Variants in NLGN1 observed in about 807,000 individuals in gnomAD.
NLGN1 encodes the protein neuroligin 1, also known as neuroligin-1.
Under a neutral mutation model 65.5 loss-of-function variants are expected in NLGN1, and 12 were observed. The observed-to-expected ratio is 0.18, with a 90% CI of 0.12 to 0.30. The LOEUF (loss-of-function observed/expected upper bound fraction) is 0.30. Ranked by LOEUF, NLGN1 falls within the 10% of genes least tolerant of loss-of-function variation. NLGN1 has a pLI of 1.00. For missense variants in NLGN1, 750 were observed against 1,007.1 expected (o/e 0.74, Z 3.46); for synonymous variants, 350 against 359.5 (o/e 0.97, Z 0.30).
At chr3:173,682,723 G>A (rs1339980080) in intron 3 of NLGN1, among the ~76,000 whole-genome samples, 1 of 151,888 alleles carries the variant, frequency 6.6e-6, no homozygotes, top group African/African-American at 2.4e-5. Flanking sequence ...AGACCTTGGC[G>A]ATGACCTTGA....
At chr3:173,671,030 A>T (rs1290822563) in intron 3 of NLGN1, among the ~76,000 whole-genome samples, 1 of 152,168 alleles carries the variant, frequency 6.6e-6, no homozygotes, top group African/African-American at 2.4e-5. Context: ...GTTGGCTTTT[A>T]ATTACTCTAA....
intron 4 of NLGN1, among the ~76,000 whole-genome samples, chr3:174,209,619 C>CTTTTT (rs1184386254): frequency 1.4e-4 from 14 of 97,298 alleles, no homozygotes; most frequent in African/African-American, 6.5e-4. Context: ...ATCAACCTTT[C>CTTTTT]TTTCTTTTTT....
At chr3:173,879,311 G>A (rs1396437852) in intron 4 of NLGN1, among the ~76,000 whole-genome samples, 1 of 151,528 alleles carries the variant, frequency 6.6e-6, no homozygotes, top group Non-Finnish European at 1.5e-5. Context: ...TTTTCTCTCT[G>A]TTCTTCAGAC....
chr3:173,947,900 A>T (rs1394189754), intron 4 of NLGN1, among the ~76,000 whole-genome samples: 1 of 152,230 alleles, frequency 6.6e-6, no homozygotes, highest in Non-Finnish European at 1.5e-5. Context: ...TTTGATAATT[A>T]AAAAATAAAT....
intron 3 of NLGN1, among the ~76,000 whole-genome samples, chr3:173,785,329 A>G (rs967965951): frequency 1.3e-5 from 2 of 152,158 alleles, no homozygotes; most frequent in South Asian, 4.1e-4. Context: ...TTCCCCATCA[A>G]TATATCTTGA....
chr3:173,895,356 AG>A (rs1736156429), intron 4 of NLGN1, among the ~76,000 whole-genome samples: 1 of 152,330 alleles, frequency 6.6e-6, no homozygotes, highest in East Asian at 1.9e-4. Context: ...AGATGCTAGC[AG>A]GTGATGATCT....
At chr3:173,622,730 C>T (rs1366357478) in intron 3 of NLGN1, among the ~76,000 whole-genome samples, 2 of 152,060 alleles carry the variant, frequency 1.3e-5, no homozygotes, top group African/African-American at 4.8e-5. Context: ...AGATATTACA[C>T]CCATGGCATT....
chr3:173,578,247 A>AAAAAG (rs1553765285), intron 2 of NLGN1, among the ~76,000 whole-genome samples: 1 of 151,920 alleles, frequency 6.6e-6, no homozygotes, highest in East Asian at 1.9e-4. Flanking sequence ...AAAAAAAAAA[A>AAAAAG]AAGAAGAAGA....
intron 4 of NLGN1, among the ~76,000 whole-genome samples, chr3:174,147,306 A>C (rs1723462989): frequency 1.3e-5 from 2 of 151,716 alleles, no homozygotes; most frequent in Admixed American, 1.3e-4. Context: ...CCCCACCTAC[A>C]GGTCTACCGA....
intron 4 of NLGN1, among the ~76,000 whole-genome samples, chr3:174,140,706 C>T (rs1237959953): frequency 6.6e-6 from 1 of 152,076 alleles, no homozygotes; most frequent in African/African-American, 2.4e-5. Flanking sequence ...TCTTGGTTGA[C>T]AATATCCTCT....
chr3:173,506,964 T>C (rs1270759495), intron 2 of NLGN1, among the ~76,000 whole-genome samples: 1 of 152,204 alleles, frequency 6.6e-6, no homozygotes, highest in East Asian at 1.9e-4. Context: ...GTTTTTCAAA[T>C]GGTTGTGCAA....
At chr3:173,638,586 T>C (rs1332803270) in intron 3 of NLGN1, among the ~76,000 whole-genome samples, 1 of 152,278 alleles carries the variant, frequency 6.6e-6, no homozygotes, top group South Asian at 2.1e-4. Context: ...TATTTGTCTT[T>C]TGTAAAATGT....
At chr3:174,159,113 G>A (rs567969268) in intron 4 of NLGN1, among the ~76,000 whole-genome samples, 9 of 151,622 alleles carry the variant, frequency 5.9e-5, no homozygotes, top group Admixed American at 5.3e-4. Context: ...GTATACCCTC[G>A]GTAGTATTGC....
At chr3:173,824,593 C>T (rs1220762123) in intron 4 of NLGN1, among the ~76,000 whole-genome samples, 1 of 151,862 alleles carries the variant, frequency 6.6e-6, no homozygotes, top group Non-Finnish European at 1.5e-5. Flanking sequence ...GACATGTGCA[C>T]TTATATGACA....
intron 4 of NLGN1, among the ~76,000 whole-genome samples, chr3:174,255,894 A>G (rs1368276742): frequency 2.0e-5 from 3 of 152,076 alleles, no homozygotes; most frequent in East Asian, 1.9e-4. Flanking sequence ...CCTGGGCTCA[A>G]GTGATCCGCC....
chr3:173,747,801 C>CTT (rs749749824), intron 3 of NLGN1, among the ~76,000 whole-genome samples: 1,050 of 64,382 alleles, frequency 0.016, 234 homozygotes, highest in African/African-American at 0.044. Context: ...TCTTCTTGTT[C>CTT]TTTTTTTTTT....
rs569980413 is a variant in NLGN1, at chr3:173,857,034, AG to A, written c.646+49203del. Among the ~76,000 whole-genome samples, 495 of 147,222 alleles carry A rather than the reference AG, an allele frequency of 3.4e-3. 4 individuals carry two copies. Among genetic ancestry groups the A allele is most frequent in the Middle Eastern group, 0.01 (3 of 290 alleles). ...AAGGCGTTAGATAAAAAAAAAAAAA[AG>A]AGGCATGAATAAAATTAAGAAACAA... is the stretch of plus-strand genomic sequence containing the variant. On this transcript the variant is annotated intron_variant, in intron 4 of 6. Transcript: ENST00000457714.
intron 4 of NLGN1, among the ~76,000 whole-genome samples, chr3:174,051,069 G>C (rs953556767): frequency 6.6e-6 from 1 of 152,066 alleles, no homozygotes; most frequent in East Asian, 1.9e-4. Flanking sequence ...TGGTTCTACT[G>C]TACCAACTCT....
At chr3:173,701,078 T>C (rs916761837) in intron 3 of NLGN1, among the ~76,000 whole-genome samples, 4 of 151,888 alleles carry the variant, frequency 2.6e-5, no homozygotes, top group Non-Finnish European at 5.9e-5. Flanking sequence ...TAAGCTGAGA[T>C]CTCGCCACCC....
Sources: gnomAD v4.1 joint callset for allele counts (sites outside exome capture counted in the v4.1 genomes callset) on GRCh38, gnomAD v4.1.1 for gene constraint, MANE v1.5 for transcripts, NCBI Gene and HGNC (gene_info 2026-07-23, HGNC 2026-07-21) for gene names.